MACROD2: variants seen among roughly 807,000 people sequenced by gnomAD.
The protein encoded by MACROD2 is ADP-ribose glycohydrolase MACROD2.
MACROD2 carries 36 observed loss-of-function variants against 70.4 expected under a neutral mutation model. The ratio of observed to expected loss-of-function variants is 0.51; its 90% CI spans 0.39 to 0.68. The LOEUF (loss-of-function observed/expected upper bound fraction) is 0.68, where lower values mean the gene tolerates loss of function less well. Among genes scored for constraint, MACROD2 ranks in the 30% least tolerant of loss-of-function variants. The pLI is 0.00. For synonymous variants in MACROD2, 172 were observed against 178.8 expected (o/e 0.96, Z 0.30); for missense variants, 496 against 538.4 (o/e 0.92, Z 0.78).
intron 6 of MACROD2, among the ~76,000 whole-genome samples, chr20:15,338,136 A>G (rs2423936): frequency 0.18 from 27,261 of 151,364 alleles, 3,193 homozygotes; most frequent in East Asian, 0.47. Context: ...ATTTCTCCCT[A>G]TCTGCCTCTC....
chr20:15,498,391 C>T (rs989474755), intron 7 of MACROD2, among the ~76,000 whole-genome samples: 2 of 152,160 alleles, frequency 1.3e-5, no homozygotes, highest in South Asian at 2.1e-4. Flanking sequence ...ATTTCCGCAA[C>T]GTCTCTCTCT....
At chr20:14,510,609 A>G (rs1025487075) in intron 4 of MACROD2, among the ~76,000 whole-genome samples, 2 of 152,050 alleles carry the variant, frequency 1.3e-5, no homozygotes, top group Admixed American at 1.3e-4. Flanking sequence ...TCTCAGGAGA[A>G]CTCATAATTG....
At chr20:14,264,369 C>T (rs1412982361) in intron 3 of MACROD2, among the ~76,000 whole-genome samples, 3 of 152,102 alleles carry the variant, frequency 2.0e-5, no homozygotes, top group Non-Finnish European at 4.4e-5. Context: ...CTAGGAAGTT[C>T]CATGAAAACA....
At chr20:15,671,634 A>G (rs2049980883) in intron 8 of MACROD2, among the ~76,000 whole-genome samples, 1 of 152,226 alleles carries the variant, frequency 6.6e-6, no homozygotes, top group Admixed American at 6.5e-5. Flanking sequence ...TGACTAAGAA[A>G]TATCACTTGT....
intron 7 of MACROD2, among the ~76,000 whole-genome samples, chr20:15,450,353 G>T (rs990603370): frequency 2.0e-5 from 3 of 151,854 alleles, no homozygotes; most frequent in Admixed American, 6.6e-5. Flanking sequence ...TAACTTTAAA[G>T]AAACATATAA....
At chr20:15,441,824 T>C (rs2046498117) in intron 7 of MACROD2, among the ~76,000 whole-genome samples, 1 of 152,076 alleles carries the variant, frequency 6.6e-6, no homozygotes, top group Non-Finnish European at 1.5e-5. Context: ...TAAAAAATGA[T>C]TTTCTGAATA....
intron 8 of MACROD2, among the ~76,000 whole-genome samples, chr20:15,763,613 A>G (rs2051473837): frequency 6.6e-6 from 1 of 152,234 alleles, no homozygotes; most frequent in East Asian, 1.9e-4. Context: ...GACTATGACT[A>G]AGTATAATAG....
chr20:15,096,573 G>T (rs952662630), intron 5 of MACROD2, among the ~76,000 whole-genome samples: 3 of 149,784 alleles, frequency 2.0e-5, no homozygotes, highest in African/African-American at 7.4e-5. Context: ...GTACAGTGGC[G>T]TGATCTTGGC....
At chr20:15,565,900 C>T (rs1013308562) in intron 8 of MACROD2, among the ~76,000 whole-genome samples, 2 of 152,112 alleles carry the variant, frequency 1.3e-5, no homozygotes, top group African/African-American at 4.8e-5. Flanking sequence ...TTTACCAAGC[C>T]ACACTGGGTT....
chr20:15,318,911 G>A (rs2077843422), intron 6 of MACROD2, among the ~76,000 whole-genome samples: 1 of 152,098 alleles, frequency 6.6e-6, no homozygotes, highest in Admixed American at 6.6e-5. Flanking sequence ...ACAAGACAAG[G>A]ATGTTTGCTT....
At chr20:15,123,765 A>G (rs891452452) in intron 5 of MACROD2, among the ~76,000 whole-genome samples, 4 of 152,188 alleles carry the variant, frequency 2.6e-5, no homozygotes, top group African/African-American at 9.7e-5. Context: ...GCTGCTTGCA[A>G]CATAAAGATT....
At chr20:15,700,543 C>T (rs574495847) in intron 8 of MACROD2, among the ~76,000 whole-genome samples, 1 of 152,114 alleles carries the variant, frequency 6.6e-6, no homozygotes, top group East Asian at 1.9e-4. Flanking sequence ...TCTGGCAAGC[C>T]CAAACACGTA....
intron 2 of MACROD2, among the ~76,000 whole-genome samples, chr20:14,006,151 C>T (rs2052816410): frequency 6.6e-6 from 1 of 152,180 alleles, no homozygotes; most frequent in African/African-American, 2.4e-5. Context: ...AGCCTAGGAG[C>T]AATTGGCTGT....
chr20:15,023,743 A>G (rs755576602), intron 5 of MACROD2, among the ~76,000 whole-genome samples: 1 of 152,112 alleles, frequency 6.6e-6, no homozygotes, highest in East Asian at 1.9e-4. Context: ...CCATGATTCA[A>G]TTACTTCCCA....
chr20:14,121,884 A>T (rs1252619437), intron 3 of MACROD2, among the ~76,000 whole-genome samples: 1 of 152,166 alleles, frequency 6.6e-6, no homozygotes, highest in Non-Finnish European at 1.5e-5. Flanking sequence ...CATTAATTTT[A>T]TACCTCTTTT....
chr20:14,545,864 C>CAT (rs10688220), intron 4 of MACROD2, among the ~76,000 whole-genome samples: 4,735 of 152,138 alleles, frequency 0.031, 224 homozygotes, highest in African/African-American at 0.11. Context: ...CCAGTATTTA[C>CAT]ATATATGGGT....
intron 4 of MACROD2, among the ~76,000 whole-genome samples, chr20:14,568,800 A>G (rs1238806075): frequency 6.6e-6 from 1 of 151,944 alleles, no homozygotes; most frequent in Admixed American, 6.6e-5. Flanking sequence ...ACATTTTTCT[A>G]CGTGAGCGAC....
intron 3 of MACROD2, among the ~76,000 whole-genome samples, chr20:14,283,855 G>A (rs2082324981): frequency 6.6e-6 from 1 of 152,054 alleles, no homozygotes; most frequent in Non-Finnish European, 1.5e-5. Flanking sequence ...TGCTTTTCCT[G>A]TATCCCAAAC....
chr20:15,018,487 G>C (rs1215749978), intron 5 of MACROD2, among the ~76,000 whole-genome samples: 2 of 152,096 alleles, frequency 1.3e-5, no homozygotes, highest in African/African-American at 2.4e-5. Flanking sequence ...ACCTCTGCCT[G>C]TTATCCAGTT....
Sources: allele counts gnomAD v4.1 joint callset (sites outside exome capture counted in the v4.1 genomes callset), GRCh38; gene constraint gnomAD v4.1.1; transcripts MANE v1.5; gene names NCBI Gene and HGNC (gene_info 2026-07-23, HGNC 2026-07-21).